Variants in HDAC8 observed in about 807,000 individuals in gnomAD.
The protein encoded by HDAC8 is histone deacetylase-like 1.
Under a neutral mutation model 32.2 loss-of-function variants are expected in HDAC8, and 1 was observed. That is an observed-to-expected ratio of 0.03 (90% CI 0.01 to 0.15). The LOEUF (loss-of-function observed/expected upper bound fraction) is 0.15. Ranked by LOEUF, HDAC8 falls within the 10% of genes least tolerant of loss-of-function variation. The pLI is 1.00. For missense variants in HDAC8, 117 were observed against 300.0 expected, an observed-to-expected ratio of 0.39 and a Z score of 4.51; for synonymous variants, 108 against 113.9, an observed-to-expected ratio of 0.95 and a Z score of 0.33.
In HDAC8 at chrX:72,488,276, G is replaced by A. The variant is rs376936606; in HGVS notation, c.737+657C>T. Among the ~76,000 whole-genome samples, 25 of 110,633 alleles carry A rather than the reference G, an allele frequency of 2.3e-4. No homozygotes were observed. The East Asian group carries it at 3.1e-3, about 14-fold the overall frequency. On this transcript the variant is annotated intron_variant, in intron 7 of 10. Transcript: ENST00000373573. ...AATGTTGACTGGCTGACTTCTATTC[G>A]GATTTGCTTTCTCTGCCACCACTTG...
At chrX:72,338,513 G>A (rs372915663) in intron 10 of HDAC8, among the ~76,000 whole-genome samples, 49 of 108,367 alleles carry the variant, frequency 4.5e-4, no homozygotes, top group African/African-American at 1.6e-3. Flanking sequence ...GAGGTTGGGT[G>A]GCACCACAAA....
At chrX:72,567,782 T>TAC (rs1322785872) in intron 4 of HDAC8, 107 bp downstream of exon 4, 1 of 1,209,383 alleles carries the variant, frequency 8.3e-7, no homozygotes, top group Non-Finnish European at 1.1e-6. Context: ...AAGTGCCACA[T>TAC]ACACACACGT....
chrX:72,489,238 C>G (rs781817218), intron 6 of HDAC8, 197 bp from the exon 7 acceptor site: 34 of 501,495 alleles, frequency 6.8e-5, no homozygotes, highest in Non-Finnish European at 9.6e-5. Context: ...CTTACTGGAT[C>G]AAATGAAAAA....
chrX:72,411,604 T>G (rs1394334463), intron 9 of HDAC8, among the ~76,000 whole-genome samples: 1 of 111,952 alleles, frequency 8.9e-6, no homozygotes, highest in African/African-American at 3.2e-5. Flanking sequence ...TAGTGAGAGG[T>G]CAACAAACAT....
chrX:72,487,993 G>A (rs116210798), intron 7 of HDAC8, among the ~76,000 whole-genome samples: 1 of 109,880 alleles, frequency 9.1e-6, no homozygotes, highest in Non-Finnish European at 1.9e-5. Context: ...CAGGAGACAT[G>A]ATCAAAATTA....
intron 4 of HDAC8, among the ~76,000 whole-genome samples, chrX:72,560,806 A>G (rs936164245): frequency 9.2e-6 from 1 of 109,032 alleles, no homozygotes; most frequent in African/African-American, 3.4e-5. Context: ...TGGGACAACC[A>G]TATGGTTTGT....
chrX:72,533,783 C>T (rs1451793233), intron 4 of HDAC8, among the ~76,000 whole-genome samples: 1 of 111,675 alleles, frequency 9.0e-6, no homozygotes, highest in African/African-American at 3.3e-5. Context: ...TTTCAACAGA[C>T]TCAGAAAAAC....
intron 9 of HDAC8, among the ~76,000 whole-genome samples, chrX:72,422,519 T>C (rs2046522466): frequency 9.0e-6 from 1 of 111,687 alleles, no homozygotes; most frequent in African/African-American, 3.2e-5. Context: ...TCCCAGTCTT[T>C]AAGGTCCTCT....
At chrX:72,459,781 T>A (rs1188936521) in intron 9 of HDAC8, among the ~76,000 whole-genome samples, 2 of 111,592 alleles carry the variant, frequency 1.8e-5, no homozygotes, top group East Asian at 5.6e-4. Context: ...TAGCATGGTG[T>A]CTGGCACATA....
intron 4 of HDAC8, among the ~76,000 whole-genome samples, chrX:72,525,558 A>G (rs1403273989): frequency 9.1e-6 from 1 of 110,279 alleles, no homozygotes; most frequent in African/African-American, 3.3e-5. Flanking sequence ...TGAGACAAAA[A>G]TCCCTGTCCT....
intron 5 of HDAC8, among the ~76,000 whole-genome samples, chrX:72,492,299 CCTTT>C (rs2048895946): frequency 8.9e-6 from 1 of 111,796 alleles, no homozygotes. Flanking sequence ...CTCTAATTTG[CCTTT>C]CTTTGAGTAT....
intron 10 of HDAC8, among the ~76,000 whole-genome samples, chrX:72,337,394 T>C (rs891760336): frequency 2.7e-5 from 3 of 111,992 alleles, no homozygotes; most frequent in Non-Finnish European, 5.6e-5. Context: ...GGTGAGACTA[T>C]AGTGGACAGA....
Position 72,553,809 on chromosome X carries a change from C to T in HDAC8, c.437+14080G>A, listed in dbSNP as rs1359849195. ...GTTGCAGATGCAGAACCTGCTGATA[C>T]GGAGGGCTGACTGTATTTATAGAAA... On this transcript the variant is annotated intron_variant, in intron 4 of 10. Transcript: ENST00000373573. Among the ~76,000 whole-genome samples the T allele has an allele frequency of 2.7e-5, 3 of 112,101 alleles. No individual in the cohort carries two copies. In the East Asian group the frequency reaches 8.4e-4, roughly 31 times the overall value.
At chrX:72,359,959 G>A (rs978326628) in intron 9 of HDAC8, among the ~76,000 whole-genome samples, 2 of 109,582 alleles carry the variant, frequency 1.8e-5, no homozygotes, top group Non-Finnish European at 3.8e-5. Context: ...GGAGGCTGAG[G>A]CATGAGAATC....
At chrX:72,372,068 G>A (rs1321613844) in intron 9 of HDAC8, among the ~76,000 whole-genome samples, 2 of 111,520 alleles carry the variant, frequency 1.8e-5, no homozygotes, top group African/African-American at 6.5e-5. Flanking sequence ...TTTTGGTCAT[G>A]TTGGACTCTG....
intron 9 of HDAC8, among the ~76,000 whole-genome samples, chrX:72,370,627 G>A (rs1224235794): frequency 8.9e-6 from 1 of 112,203 alleles, no homozygotes; most frequent in African/African-American, 3.2e-5. Flanking sequence ...CCAAAGTGCT[G>A]GGATTACAGG....
At chrX:72,364,575 C>A (rs2044645013) in intron 9 of HDAC8, among the ~76,000 whole-genome samples, 1 of 111,989 alleles carries the variant, frequency 8.9e-6, no homozygotes, top group Non-Finnish European at 1.9e-5. Flanking sequence ...CAAAAAGTCC[C>A]ACCATACAAT....
At chrX:72,474,799 A>T (rs2048286093) in intron 7 of HDAC8, 2 of 636,036 alleles carry the variant, frequency 3.1e-6, no homozygotes, top group African/African-American at 4.5e-5. Context: ...CCAAGAACAA[A>T]ATCGTAGAGT....
intron 9 of HDAC8, among the ~76,000 whole-genome samples, chrX:72,377,359 G>A (rs1555958517): frequency 2.7e-5 from 3 of 111,833 alleles, no homozygotes; most frequent in Admixed American, 1.9e-4. Flanking sequence ...TTTAACTTAT[G>A]TTCTGTCCTA....
Sources: gnomAD v4.1 joint callset for allele counts (sites outside exome capture counted in the v4.1 genomes callset) on GRCh38, gnomAD v4.1.1 for gene constraint, MANE v1.5 for transcripts, NCBI Gene and HGNC (gene_info 2026-07-23, HGNC 2026-07-21) for gene names.